Variants in LAMA5 observed in about 807,000 individuals in gnomAD.
LAMA5 encodes the protein laminin subunit alpha-5.
A neutral mutation model predicts 433.4 loss-of-function variants in LAMA5; 260 were observed. That is an observed-to-expected ratio of 0.60 (90% CI 0.54 to 0.66). LAMA5 has a LOEUF of 0.66. LAMA5 is among the 30% of genes least tolerant of loss of function. The pLI is 0.00. For missense variants in LAMA5, 5,378 were observed against 5,258.5 expected (o/e 1.02, Z -0.70); for synonymous variants, 2,620 against 2,226.6 (o/e 1.18, Z -4.97).
At position 62,314,439 on chromosome 20, in the gene LAMA5, G is replaced by C. The variant is rs768063498; in HGVS notation, c.8369C>G (p.Ala2790Gly). 1.2e-6 allele frequency: 2 copies of C among 1,613,190 alleles called. No homozygotes were observed. Among genetic ancestry groups the C allele is most frequent in the Non-Finnish European group, 1.7e-6 (2 of 1,179,914 alleles). Residue 2790 changes from alanine to glycine, a missense_variant and splice_region_variant, in exon 62 of 80, where the codon GCC (alanine) becomes GGC (glycine). Ala to Gly is a moderately conservative substitution (Grantham distance 60). Transcript: ENST00000252999. ...RFVMYMGSRQ[A>G]TGDYMGVSLR... ...AGACACACCCATGTAGTCCCCAGTG[G>C]CCTGCGGCAGTGACAGACACACAGT...
Position 62,336,916 on chromosome 20 carries a change from T to A in LAMA5, c.2165-130A>T, listed in dbSNP as rs975124893. 6 of 882,944 alleles carry A rather than the reference T, an allele frequency of 6.8e-6. No individual in the cohort carries two copies. The African/African-American group carries it at 9.9e-5, about 15-fold the overall frequency. 54.7% of individuals were successfully genotyped at this position (882,944 alleles called of 1,614,324 possible). A position where few individuals can be genotyped will look rare whatever the true frequency, so the allele number is the denominator to read the frequency against. ...CCAGCACAGGTGCCTCTCATCCACA[T>A]GGACGGCCTGAAAACACGCACCTCC... On this transcript the variant is annotated intron_variant, in intron 16 of 79. Transcript: ENST00000252999.
chr20:62,326,942 G>A lies in LAMA5; in HGVS notation c.5137C>T (p.Arg1713Cys), dbSNP rs374046052. The A allele has an allele frequency of 3.2e-5, 51 of 1,610,204 alleles. No individual in the cohort carries two copies. The highest frequency in any genetic ancestry group is 1.7e-4 in the African/African-American group (13 of 74,996). Reference sequence around the variant, plus strand: ...TGGGTCTCTGAGTGCAGTTCATAACGGAGGGTCCCACCGTAGGATGACACC... The same window carrying A: ...TGGGTCTCTGAGTGCAGTTCATAACAGAGGGTCCCACCGTAGGATGACACC... ...DRVSSYGGTL[R>C]YELHSETQRG... Residue 1713 changes from arginine (R) to cysteine (C), a missense_variant, in exon 39 of 80, where the codon CGT becomes TGT. Physicochemically the swap from Arg to Cys is radical, Grantham distance 180. Transcript: ENST00000252999.
chr20:62,323,588 T>TG lies in LAMA5; in HGVS notation c.5931dup (p.Asn1978GlnfsTer75). The TG allele has an allele frequency of 1.2e-6, 2 of 1,610,290 alleles. No individual in the cohort carries two copies. The highest frequency in any genetic ancestry group is 1.7e-6 in the Non-Finnish European group (2 of 1,179,110). ...GGGTCGCAGTCGCTGAAGAGCAAGT[T>TG]GGGGTCACCGTTGCCGCTGCAGTCG... On this transcript the variant is annotated frameshift_variant, in exon 45 of 80. Coordinates refer to ENST00000252999, the MANE Select transcript of LAMA5 (RefSeq NM_005560.6). LOFTEE classifies it high-confidence loss of function.
At position 62,324,499 on chromosome 20, in the gene LAMA5, A is replaced by G; in HGVS notation, c.5585T>C (p.Val1862Ala). Residue 1862 changes from valine (V) to alanine (A), a missense_variant, in exon 42 of 80, where the codon GTC (valine) becomes GCC (alanine). By Grantham distance (64) the Val-to-Ala change is moderately conservative (BLOSUM62 0). Coordinates refer to ENST00000252999, the MANE Select transcript of LAMA5 (RefSeq NM_005560.6). This position sits in a 1 kb window ranked among gnomAD's most constrained non-coding sequence, Gnocchi z 4.4. ...TGAGTGTCCATGGCACTGACAAGGG[A>G]CACATCGGCCCAGGAAGAGACCTTT... ...DVKGLFLGRCVPCQCHGHSDR... is the reference protein window; with the variant it reads ...DVKGLFLGRCAPCQCHGHSDR... The G allele has an allele frequency of 1.9e-6, 3 of 1,612,402 alleles. No individual in the cohort carries two copies. The highest frequency in any genetic ancestry group is 2.5e-6 in the Non-Finnish European group (3 of 1,179,824).
Position 62,324,367 on chromosome 20 carries a change from C to T in LAMA5, c.5643+74G>A, listed in dbSNP as rs1978877561. The T allele has an allele frequency of 2.1e-6, 3 of 1,426,216 alleles. No individual in the cohort carries two copies. Among genetic ancestry groups the T allele is most frequent in the African/African-American group, 1.4e-5 (1 of 70,800 alleles). The allele number at this position is 1,426,216 out of a possible 1,614,324, so 88.3% of individuals were successfully genotyped here. ...CCTCAGTTGACCTGGAAGTGCAGCC[C>T]CTGGTCTTCCCTGGCACACTTGACT... On this transcript the variant is annotated intron_variant, in intron 42 of 79. Transcript: ENST00000252999. This position sits in a 1 kb window ranked among gnomAD's most constrained non-coding sequence, Gnocchi z 4.4.
rs150196385 is a variant in LAMA5 at position 62,326,966 on chromosome 20, C to A, written c.5113G>T (p.Val1705Leu). The change falls in exon 39 of 80, where the codon GTG becomes TTG. Residue 1705 changes from valine to leucine, a missense_variant and splice_region_variant. Physicochemically the swap from Val to Leu is conservative, Grantham distance 32. Coordinates refer to ENST00000252999, the MANE Select transcript of LAMA5 (RefSeq NM_005560.6). ...QAPPSYLGDR[V>L]SSYGGTLRYE... The stretch of plus-strand genomic sequence containing the variant: ...CGGAGGGTCCCACCGTAGGATGACA[C>A]CTGGAGGCAGGACAGACAGAGGTGA... The A allele has an allele frequency of 6.2e-6, 10 of 1,600,310 alleles. No individual in the cohort carries two copies. In the East Asian group the frequency reaches 1.8e-4, roughly 29 times the overall value.
In LAMA5 at chr20:62,316,323, C is replaced by T. The variant is rs2146072377; in HGVS notation, c.7757-265G>A. ...CAATAGAGGCTCAGAAGAGACAGCC[C>T]TCTGGTCCTAGCAGCTCACACCTTT... is the stretch of plus-strand genomic sequence containing the variant. On this transcript the variant is annotated intron_variant, in intron 57 of 79. Transcript: ENST00000252999. 3 of 565,236 alleles carry T rather than the reference C, an allele frequency of 5.3e-6. No individual in the cohort carries two copies. In the East Asian group the frequency reaches 8.7e-5, roughly 16 times the overall value. 35.0% of individuals were successfully genotyped at this position (565,236 alleles called of 1,614,324 possible).
chr20:62,344,692 A>G (rs1601389746), intron 11 of LAMA5, among the ~76,000 whole-genome samples: 1 of 151,786 alleles, frequency 6.6e-6, no homozygotes, highest in Admixed American at 6.6e-5. Context: ...CAGGTAATCC[A>G]CCTGCCTCAG....
intron 79 of LAMA5, 106 bp downstream of exon 79, chr20:62,309,610 A>AGG (rs1433788640): frequency 1.2e-5 from 4 of 337,096 alleles, no homozygotes; most frequent in Non-Finnish European, 1.9e-5. Context: ...GGGTGGGAGG[A>AGG]GGGTGGGAGG....
rs1163062346 is a variant in LAMA5, at chr20:62,311,259, G to A, written c.9991C>T (p.Pro3331Ser). ...TCTCGGGTGGTCCTGAGGTGTGGGG[G>A]CAGCATGCAGGCAGGATGCCGGGCG... is the stretch of plus-strand genomic sequence containing the variant. ...QPARHPACML[P>S]PHLRTTRDSY... Residue 3331 changes from proline to serine, a missense_variant, in exon 73 of 80, where the codon CCC (proline) becomes TCC (serine). Pro to Ser is a moderately conservative substitution (Grantham distance 74). Transcript: ENST00000252999. 1.2e-6 allele frequency: 2 copies of A among 1,604,608 alleles called. No homozygotes were observed. The highest frequency in any genetic ancestry group is 2.2e-5 in the East Asian group (1 of 44,788).
chr20:62,332,619 G>A lies in LAMA5; in HGVS notation c.3381C>T (p.Ala1127=), dbSNP rs6142734. The A allele has an allele frequency of 0.85, 1,370,341 of 1,604,092 alleles. 595,547 individuals carry two copies. Among genetic ancestry groups the A allele is most frequent in the East Asian group, 0.95 (42,444 of 44,620 alleles). The change falls in exon 27 of 80, where the codon GCC becomes GCT. Residue 1127 remains alanine (A), a synonymous_variant. Transcript: ENST00000252999. Reference sequence around the variant, plus strand: ...GGGGGGCCCGCTGTGGGGTGTGCACGGCCACGCCCACCTCCTGGCGGGCAT... The same window carrying A: ...GGGGGGCCCGCTGTGGGGTGTGCACAGCCACGCCCACCTCCTGGCGGGCAT... ...NEDARQEVGV[A]VHTPQRAPQQ...
Position 62,351,924 on chromosome 20 carries a change from G to C in LAMA5, c.843C>G (p.Pro281=), listed in dbSNP as rs777146636. Reference sequence around the variant, plus strand: ...GGCAGCTCACCCGGCGGGTGACCGTGGGGTCCCGCAGCGCCTTCCCCATGA... The same window carrying C: ...GGCAGCTCACCCGGCGGGTGACCGTCGGGTCCCGCAGCGCCTTCCCCATGA... ...GHLMGKALRD[P]TVTRRYYYSI... Residue 281 remains proline (P), a synonymous_variant, in exon 5 of 80, where the codon CCC becomes CCG. Coordinates refer to ENST00000252999, the MANE Select transcript of LAMA5 (RefSeq NM_005560.6). 8.7e-6 allele frequency: 14 copies of C among 1,607,044 alleles called. No homozygotes were observed. The highest frequency in any genetic ancestry group is 1.1e-5 in the Non-Finnish European group (13 of 1,177,690).
At position 62,359,771 on chromosome 20, in the gene LAMA5, C is replaced by G. The variant is rs1167507974; in HGVS notation, c.450+2629G>C. Among the ~76,000 whole-genome samples, 1 of 152,038 alleles carries G rather than the reference C, an allele frequency of 6.6e-6. No homozygotes were observed. Among genetic ancestry groups the G allele is most frequent in the Non-Finnish European group, 1.5e-5 (1 of 67,970 alleles). On this transcript the variant is annotated intron_variant, in intron 2 of 79. Transcript: ENST00000252999. The surrounding 1 kb of genome is among the most constrained non-coding windows in gnomAD (Gnocchi z 4.3). ...CAGCTGGCACTCCCGGGGGCCCAGG[C>G]TCAGCTGCTTCTGGGTGGACACCAC...
chr20:62,313,049 G>T (rs1986494284), intron 65 of LAMA5, 39 bp from the exon 66 acceptor site: 1 of 1,602,646 alleles, frequency 6.2e-7, no homozygotes. Flanking sequence ...GGCAGGGTCA[G>T]TGCAAGTGGG....
In LAMA5 at chr20:62,327,235, G is replaced by A. The variant is rs138627467; in HGVS notation, c.5110C>T (p.Arg1704Trp). Residue 1704 changes from arginine to tryptophan, a missense_variant and splice_region_variant, in exon 38 of 80, where the codon CGG (arginine) becomes TGG (tryptophan). Arg to Trp is a moderately radical substitution (Grantham distance 101). Coordinates refer to ENST00000252999, the MANE Select transcript of LAMA5 (RefSeq NM_005560.6). The stretch of plus-strand genomic sequence containing the variant: ...CCCAGACCTGATGCCCTGCTTACCC[G>A]GTCCCCCAGGTAGGAGGGTGGGGCC... ...WQAPPSYLGD[R>W]VSSYGGTLRY... is the part of the protein sequence containing the mutation. The A allele has an allele frequency of 7.0e-4, 1,062 of 1,506,668 alleles. 1 individual carries two copies. The highest frequency in any genetic ancestry group is 8.6e-4 in the Non-Finnish European group (977 of 1,131,318). The allele number at this position is 1,506,668 out of a possible 1,614,324, so 93.3% of individuals were successfully genotyped here. A position where few individuals can be genotyped will look rare whatever the true frequency, so the allele number is the denominator to read the frequency against.
chr20:62,312,179 C>T lies in LAMA5; in HGVS notation c.9498G>A (p.Ala3166=), dbSNP rs776827129. The T allele has an allele frequency of 2.2e-5, 35 of 1,610,348 alleles. No homozygotes were observed. Among genetic ancestry groups the T allele is most frequent in the East Asian group, 4.5e-5 (2 of 44,804 alleles). ...AQDSALLYYR[A]SPDGLCQVSL... is the part of the protein sequence containing the mutation. ...CACGGGTGTGAGGTCTCACCGGGGA[C>T]GCCCGGTAGTAGAGCAGGGCACTGT... Residue 3166 remains alanine (A), a synonymous_variant, in exon 69 of 80, where the codon GCG becomes GCA. Transcript: ENST00000252999.
chr20:62,346,367 C>T, intron 9 of LAMA5, 139 bp downstream of exon 9: 4 of 1,362,378 alleles, frequency 2.9e-6, no homozygotes, highest in Non-Finnish European at 4.0e-6. Flanking sequence ...GGGGACCCGC[C>T]CCGTGGCCTG....
At position 62,327,234 on chromosome 20, in the gene LAMA5, C is replaced by T. The variant is rs775928220; in HGVS notation, c.5111G>A (p.Arg1704Gln). Residue 1704 changes from arginine (R) to glutamine (Q), a missense_variant and splice_region_variant, in exon 38 of 80, where the codon CGG (arginine) becomes CAG (glutamine). By Grantham distance (43) the Arg-to-Gln change is conservative (BLOSUM62 1). Coordinates refer to ENST00000252999, the MANE Select transcript of LAMA5 (RefSeq NM_005560.6). ...CCCCAGACCTGATGCCCTGCTTACCCGGTCCCCCAGGTAGGAGGGTGGGGC... is the reference window on the plus strand; with the variant it reads ...CCCCAGACCTGATGCCCTGCTTACCTGGTCCCCCAGGTAGGAGGGTGGGGC... The part of the protein sequence containing the change: ...WQAPPSYLGD[R>Q]VSSYGGTLRY... 16 of 1,506,292 alleles carry T rather than the reference C, an allele frequency of 1.1e-5. No individual in the cohort carries two copies. The highest frequency in any genetic ancestry group is 1.8e-4 in the Middle Eastern group (1 of 5,586). 93.3% of individuals were successfully genotyped at this position (1,506,292 alleles called of 1,614,324 possible).
At chr20:62,354,377 C>T (rs1984846917) in intron 2 of LAMA5, among the ~76,000 whole-genome samples, 1 of 150,704 alleles carries the variant, frequency 6.6e-6, no homozygotes, top group African/African-American at 2.4e-5. Flanking sequence ...TGACACCCTG[C>T]CCTCAGGACT....
Sources: gnomAD v4.1 joint callset for allele counts (sites outside exome capture counted in the v4.1 genomes callset) on GRCh38, gnomAD v4.1.1 for gene constraint, Gnocchi (gnomAD v3.1) non-coding constraint, MANE v1.5 for transcripts, NCBI Gene and HGNC (gene_info 2026-07-23, HGNC 2026-07-21) for gene names.